The following MSI2 variants were observed in gnomAD, a reference collection of about 807,000 sequenced individuals.
MSI2 encodes musashi RNA binding protein 2.
MSI2 carries 17 observed loss-of-function variants against 45.6 expected under a neutral mutation model. The ratio of observed to expected loss-of-function variants is 0.37; its 90% CI spans 0.26 to 0.56. MSI2 has a LOEUF of 0.56. MSI2 is among the 20% of genes least tolerant of loss of function. MSI2 has a pLI of 0.77. For synonymous variants in MSI2, 156 were observed against 158.2 expected, an observed-to-expected ratio of 0.99 and a Z score of 0.11; for missense variants, 293 against 444.2, an observed-to-expected ratio of 0.66 and a Z score of 3.06.
chr17:57,570,842 G>T (rs1254251170), intron 7 of MSI2, among the ~76,000 whole-genome samples: 1 of 152,190 alleles, frequency 6.6e-6, no homozygotes, highest in Non-Finnish European at 1.5e-5. Context: ...TTATATGGGG[G>T]TTCCTGGCAG....
chr17:57,306,676 C>T (rs938621931), intron 5 of MSI2, among the ~76,000 whole-genome samples: 2 of 152,252 alleles, frequency 1.3e-5, no homozygotes, highest in African/African-American at 4.8e-5. Flanking sequence ...CATGTCATCG[C>T]TGTTCACATG....
chr17:57,642,903 T>A (rs1252886140), intron 10 of MSI2, among the ~76,000 whole-genome samples: 1 of 152,150 alleles, frequency 6.6e-6, no homozygotes, highest in African/African-American at 2.4e-5. Context: ...AGCGGTAGAA[T>A]GGGCCCAGGG....
chr17:57,413,326 T>C (rs922141843), intron 6 of MSI2, among the ~76,000 whole-genome samples: 2 of 152,224 alleles, frequency 1.3e-5, no homozygotes, highest in East Asian at 1.9e-4. Flanking sequence ...GATTCAGTTT[T>C]ATGCAATTTT....
At chr17:57,545,455 T>G (rs1236304840) in intron 7 of MSI2, among the ~76,000 whole-genome samples, 1 of 152,228 alleles carries the variant, frequency 6.6e-6, no homozygotes, top group Non-Finnish European at 1.5e-5. Flanking sequence ...CACCTTGTTC[T>G]GTTCCAGACA....
chr17:57,321,776 G>A (rs986641588), intron 5 of MSI2, among the ~76,000 whole-genome samples: 2 of 152,142 alleles, frequency 1.3e-5, no homozygotes, highest in Non-Finnish European at 2.9e-5. Flanking sequence ...GTTGGGCTGG[G>A]CAACTTTGCC....
chr17:57,537,760 G>A (rs1381200828), intron 7 of MSI2, among the ~76,000 whole-genome samples: 2 of 152,184 alleles, frequency 1.3e-5, no homozygotes, highest in East Asian at 3.9e-4. Context: ...TTGGAGACAC[G>A]GAGTAATACA....
At chr17:57,661,035 T>C (rs1459801391) in intron 11 of MSI2, among the ~76,000 whole-genome samples, 2 of 152,166 alleles carry the variant, frequency 1.3e-5, no homozygotes, top group Non-Finnish European at 2.9e-5. Flanking sequence ...GGAGGACAAG[T>C]TACAGATAAT....
In MSI2 at chr17:57,584,217, C is replaced by T. The variant is rs146967431; in HGVS notation, c.455-12651C>T. On this transcript the variant is annotated intron_variant, in intron 7 of 13. Transcript: ENST00000284073. ...CCGCTCCCTCCTGGCAGAGCCGCCA[C>T]GCCAATCCAGCTGCCTGGGCTGCTG... Among the ~76,000 whole-genome samples, 46 of 152,348 alleles carry T rather than the reference C, an allele frequency of 3.0e-4. No homozygotes were observed. In the East Asian group the frequency reaches 8.1e-3, roughly 27 times the overall value.
chr17:57,411,812 G>T (rs1178802735), intron 6 of MSI2, among the ~76,000 whole-genome samples: 1 of 152,004 alleles, frequency 6.6e-6, no homozygotes, highest in Non-Finnish European at 1.5e-5. Context: ...TTTGAGACCA[G>T]CCTGGCCAAC....
At chr17:57,643,919 C>T (rs1321437587) in intron 10 of MSI2, among the ~76,000 whole-genome samples, 1 of 152,250 alleles carries the variant, frequency 6.6e-6, no homozygotes, top group Non-Finnish European at 1.5e-5. Flanking sequence ...CAACCTCTCA[C>T]CCTTCCCAGC....
chr17:57,417,891 T>G (rs1249170909), intron 6 of MSI2, among the ~76,000 whole-genome samples: 1 of 152,220 alleles, frequency 6.6e-6, no homozygotes, highest in East Asian at 1.9e-4. Flanking sequence ...TGCCTTTTTG[T>G]AAAGAGGCAA....
chr17:57,596,805 G>C lies in MSI2; in HGVS notation c.455-63G>C, dbSNP rs1905281540. The C allele has an allele frequency of 8.3e-7, 1 of 1,198,484 alleles. No individual in the cohort carries two copies. Among genetic ancestry groups the C allele is most frequent in the Admixed American group, 1.7e-5 (1 of 59,136 alleles). The allele number at this position is 1,198,484 out of a possible 1,614,324, so 74.2% of individuals were successfully genotyped here. A position where few individuals can be genotyped will look rare whatever the true frequency, so the allele number is the denominator to read the frequency against. On this transcript the variant is annotated intron_variant, in intron 7 of 13. Transcript: ENST00000284073. The surrounding 1 kb of genome is among the most constrained non-coding windows in gnomAD (Gnocchi z 4.6). ...CCTCAGGACGTCAGAGAAAAACCTG[G>C]GCCTGCCAGAACTGAACTCACCCCG... is the stretch of plus-strand genomic sequence containing the variant.
chr17:57,334,694 T>G (rs1694097195), intron 5 of MSI2, among the ~76,000 whole-genome samples: 1 of 151,940 alleles, frequency 6.6e-6, no homozygotes, highest in Non-Finnish European at 1.5e-5. Context: ...CTCGGGAGGC[T>G]GAGGCAGGAG....
At chr17:57,432,860 C>T (rs2143396882) in intron 6 of MSI2, among the ~76,000 whole-genome samples, 1 of 152,366 alleles carries the variant, frequency 6.6e-6, no homozygotes, top group Admixed American at 6.5e-5. Context: ...CCATCACAAG[C>T]AAGACTGAAC....
At chr17:57,309,701 G>A (rs963046267) in intron 5 of MSI2, among the ~76,000 whole-genome samples, 1 of 152,182 alleles carries the variant, frequency 6.6e-6, no homozygotes, top group Non-Finnish European at 1.5e-5. Context: ...AGATGGTCAC[G>A]TGTCAGTTTC....
chr17:57,564,474 A>C (rs8068944), intron 7 of MSI2, among the ~76,000 whole-genome samples: 50,766 of 152,016 alleles, frequency 0.33, 8,687 homozygotes, highest in Admixed American at 0.39. Flanking sequence ...CCTGGAAACC[A>C]CCAGTAAGCA....
At position 57,610,710 on chromosome 17, in the gene MSI2, T is replaced by G. The variant is rs1028346707; in HGVS notation, c.538-5260T>G. Among the ~76,000 whole-genome samples, 40 of 93,224 alleles carry G rather than the reference T, an allele frequency of 4.3e-4. 12 individuals are homozygous for G. The highest frequency in any genetic ancestry group is 1.1e-3 in the African/African-American group (32 of 29,720). The allele number at this position is 93,224 out of a possible 152,430, so 61.2% of individuals were successfully genotyped here. A position where few individuals can be genotyped will look rare whatever the true frequency, so the allele number is the denominator to read the frequency against. On this transcript the variant is annotated intron_variant, in intron 8 of 13. Transcript: ENST00000284073. ...GTGTTAGCGACCACAGGGGCCACACTCCCATCAGGCCTTCGTTTTGTTCTC... is the reference window on the plus strand; with the variant it reads ...GTGTTAGCGACCACAGGGGCCACACGCCCATCAGGCCTTCGTTTTGTTCTC...
At chr17:57,473,206 A>G (rs1175756578) in intron 6 of MSI2, among the ~76,000 whole-genome samples, 1 of 152,140 alleles carries the variant, frequency 6.6e-6, no homozygotes, top group East Asian at 1.9e-4. Context: ...TTTTCTTTAA[A>G]TGTCCTTTGA....
chr17:57,574,894 G>A (rs978913538), intron 7 of MSI2, among the ~76,000 whole-genome samples: 16 of 144,766 alleles, frequency 1.1e-4, no homozygotes, highest in South Asian at 2.2e-4. Context: ...GCAGTGGCAC[G>A]ATCTCAGCTC....
Sources: allele counts gnomAD v4.1 joint callset (sites outside exome capture counted in the v4.1 genomes callset), GRCh38; gene constraint gnomAD v4.1.1; non-coding constraint Gnocchi (gnomAD v3.1); transcripts MANE v1.5; gene names NCBI Gene and HGNC (gene_info 2026-07-23, HGNC 2026-07-21).